Variants in EPHA4 observed in about 807,000 individuals in gnomAD.
EPHA4 encodes the protein EPH receptor A4, also known as ephrin type-A receptor 4.
Under a neutral mutation model 108.3 loss-of-function variants are expected in EPHA4, and 19 were observed. The observed-to-expected ratio is 0.18, with a 90% CI of 0.12 to 0.26. The LOEUF (loss-of-function observed/expected upper bound fraction) is 0.26. Among genes scored for constraint, EPHA4 ranks in the 10% least tolerant of loss-of-function variants. EPHA4 has a pLI of 1.00. For synonymous variants in EPHA4, 449 were observed against 455.5 expected (o/e 0.99, Z 0.18); for missense variants, 917 against 1,254.0 (o/e 0.73, Z 4.06).
intron 5 of EPHA4, among the ~76,000 whole-genome samples, chr2:221,467,765 C>T (rs1008036094): frequency 8.5e-5 from 13 of 152,166 alleles, no homozygotes; most frequent in Non-Finnish European, 1.8e-4. Flanking sequence ...TCCTGTGTTT[C>T]GTCTGGGAGC....
At chr2:221,434,119 T>C in intron 14 of EPHA4, 23 bp downstream of exon 14, 1 of 1,598,716 alleles carries the variant, frequency 6.3e-7, no homozygotes. Flanking sequence ...TGAAAAAATA[T>C]ATTTCAGAAC....
intron 4 of EPHA4, among the ~76,000 whole-genome samples, chr2:221,483,071 C>A (rs1374645113): frequency 1.3e-5 from 2 of 152,196 alleles, no homozygotes; most frequent in African/African-American, 4.8e-5. Flanking sequence ...TTGTGAGACT[C>A]TGATAAATTA....
chr2:221,561,056 C>A (rs1694447430), intron 3 of EPHA4, among the ~76,000 whole-genome samples: 3 of 152,154 alleles, frequency 2.0e-5, no homozygotes, highest in South Asian at 4.1e-4. Context: ...TCCTGGCTAA[C>A]ACGGTGAAAC....
intron 3 of EPHA4, among the ~76,000 whole-genome samples, chr2:221,552,903 T>A (rs1024775019): frequency 6.6e-6 from 1 of 152,192 alleles, no homozygotes; most frequent in African/African-American, 2.4e-5. Flanking sequence ...TTAAGGCTGA[T>A]ATAATTAAAC....
intron 8 of EPHA4, among the ~76,000 whole-genome samples, 153 bp downstream of exon 8, chr2:221,455,394 T>A (rs1317582603): frequency 6.6e-6 from 1 of 151,786 alleles, no homozygotes; most frequent in Admixed American, 6.6e-5. Flanking sequence ...TTGGTAGGGG[T>A]GTGGGAAGAT....
At chr2:221,557,890 T>C (rs941380452) in intron 3 of EPHA4, among the ~76,000 whole-genome samples, 3 of 152,140 alleles carry the variant, frequency 2.0e-5, no homozygotes, top group Admixed American at 2.0e-4. Context: ...ATGTCCAAGA[T>C]AAAGGCAGAA....
chr2:221,430,122 C>T lies in EPHA4; in HGVS notation c.2526G>A (p.Arg842=), dbSNP rs750032407. Reference sequence around the variant, plus strand: ...TGGGGCAGTCCATTGGAGGGGGTAACCGATAGCCTTCCTCAATGGCTTTAA... The same window carrying T: ...TGGGGCAGTCCATTGGAGGGGGTAATCGATAGCCTTCCTCAATGGCTTTAA... ...DVIKAIEEGY[R]LPPPMDCPIA... Residue 842 remains arginine, a synonymous_variant, in exon 15 of 18, where the codon CGG becomes CGA. Coordinates refer to ENST00000281821, the MANE Select transcript of EPHA4 (RefSeq NM_004438.5). The T allele has an allele frequency of 6.2e-6, 10 of 1,609,752 alleles. No individual in the cohort carries two copies. Among genetic ancestry groups the T allele is most frequent in the African/African-American group, 1.3e-5 (1 of 74,780 alleles).
At chr2:221,520,888 G>A (rs934811322) in intron 3 of EPHA4, among the ~76,000 whole-genome samples, 2 of 152,120 alleles carry the variant, frequency 1.3e-5, no homozygotes, top group Admixed American at 6.5e-5. Flanking sequence ...AAAAAGTATA[G>A]AATGACAAAA....
chr2:221,524,954 C>T (rs1051315168), intron 3 of EPHA4, among the ~76,000 whole-genome samples: 1 of 152,082 alleles, frequency 6.6e-6, no homozygotes, highest in Non-Finnish European at 1.5e-5. Flanking sequence ...TCAAAAGTAT[C>T]CTATTGTCTT....
chr2:221,479,591 T>C (rs1205372643), intron 5 of EPHA4, among the ~76,000 whole-genome samples: 1 of 152,232 alleles, frequency 6.6e-6, no homozygotes, highest in Non-Finnish European at 1.5e-5. Context: ...TAATTGTGTG[T>C]ATGTAAATAT....
intron 3 of EPHA4, among the ~76,000 whole-genome samples, chr2:221,504,346 GAGGAGGAGA>G (rs1001928223): frequency 7.2e-5 from 11 of 152,112 alleles, no homozygotes; most frequent in Non-Finnish European, 1.3e-4. Flanking sequence ...AAAAAAGATG[GAGGAGGAGA>G]AGGAGGAGGA....
chr2:221,489,721 A>T (rs1403066140), intron 4 of EPHA4, among the ~76,000 whole-genome samples: 2 of 152,210 alleles, frequency 1.3e-5, no homozygotes, highest in Non-Finnish European at 2.9e-5. Flanking sequence ...CAGGTTTATG[A>T]GAATATCTAC....
chr2:221,564,887 CAA>C (rs1233305564), intron 2 of EPHA4, among the ~76,000 whole-genome samples: 90 of 73,058 alleles, frequency 1.2e-3, no homozygotes, highest in South Asian at 0.012. Flanking sequence ...TCTAATACCT[CAA>C]AAAAAAAAAA....
chr2:221,489,536 A>T (rs1250132806), intron 4 of EPHA4, among the ~76,000 whole-genome samples: 1 of 152,136 alleles, frequency 6.6e-6, no homozygotes, highest in Non-Finnish European at 1.5e-5. Context: ...AATAGTTCTC[A>T]TTCCTGACTA....
In EPHA4 at chr2:221,418,730, A is replaced by G. The variant is rs1192946412; in HGVS notation, c.*2642T>C. The stretch of plus-strand genomic sequence containing the variant: ...GGGGTAGTTTCCCACTGCTCTAGAG[A>G]TCGGCACATGAGTTAGCATTGGAGC... On this transcript the variant is annotated 3_prime_UTR_variant, in exon 18 of 18. Coordinates refer to ENST00000281821, the MANE Select transcript of EPHA4 (RefSeq NM_004438.5). 5 of 152,338 alleles carry G rather than the reference A, an allele frequency of 3.3e-5. 1 individual carries two copies. The highest frequency in any genetic ancestry group is 1.2e-4 in the African/African-American group (5 of 41,432). 9.4% of individuals were successfully genotyped at this position (152,338 alleles called of 1,614,324 possible). A position where few individuals can be genotyped will look rare whatever the true frequency, so the allele number is the denominator to read the frequency against.
Position 221,568,739 on chromosome 2 carries a change from T to G in EPHA4, c.138A>C (p.Ile46=). Reference sequence around the variant, plus strand: ...TTACCCCTCCTTCCAGAGGGCTTGCTATCCACCCAAGTTCTCCCTGAACAG... The same window carrying G: ...TTACCCCTCCTTCCAGAGGGCTTGCGATCCACCCAAGTTCTCCCTGAACAG... ...SRSVQGELGW[I]ASPLEGGWEE... Residue 46 remains isoleucine, a synonymous_variant, in exon 2 of 18, where the codon ATA becomes ATC. Transcript: ENST00000281821. 1 of 1,613,878 alleles carries G rather than the reference T, an allele frequency of 6.2e-7. No individual in the cohort carries two copies. Among genetic ancestry groups the G allele is most frequent in the Non-Finnish European group, 8.5e-7 (1 of 1,179,912 alleles).
chr2:221,566,672 T>C (rs1006679628), intron 2 of EPHA4, among the ~76,000 whole-genome samples: 1 of 151,300 alleles, frequency 6.6e-6, no homozygotes, highest in African/African-American at 2.4e-5. Flanking sequence ...AAGTACTGGG[T>C]CGTATACAGT....
chr2:221,432,646 A>AC (rs1553567938), intron 14 of EPHA4, among the ~76,000 whole-genome samples: 5,606 of 142,098 alleles, frequency 0.039, 141 homozygotes, highest in African/African-American at 0.072. Context: ...TGCACCGAAC[A>AC]TTTTTTTTTT....
chr2:221,501,509 A>G (rs1490028734), intron 3 of EPHA4, among the ~76,000 whole-genome samples: 1 of 152,120 alleles, frequency 6.6e-6, no homozygotes, highest in Non-Finnish European at 1.5e-5. Flanking sequence ...TTCTTACAGC[A>G]CCCCTTTTCG....
Sources: allele counts gnomAD v4.1 joint callset (sites outside exome capture counted in the v4.1 genomes callset), GRCh38; gene constraint gnomAD v4.1.1; transcripts MANE v1.5; gene names NCBI Gene and HGNC (gene_info 2026-07-23, HGNC 2026-07-21).